Variants in TAF4 observed in about 807,000 individuals in gnomAD.
TAF4 encodes the protein transcription initiation factor TFIID subunit 4.
A neutral mutation model predicts 90.3 loss-of-function variants in TAF4; 9 were observed. The ratio of observed to expected loss-of-function variants is 0.10; its 90% CI spans 0.06 to 0.17. The LOEUF (loss-of-function observed/expected upper bound fraction) is 0.17. Among genes scored for constraint, TAF4 ranks in the 10% least tolerant of loss-of-function variants. The pLI, the probability that TAF4 is intolerant of heterozygous loss-of-function variation, is 1.00. For synonymous variants in TAF4, 818 were observed against 638.9 expected (o/e 1.28, Z -4.23); for missense variants, 1,351 against 1,370.7 (o/e 0.99, Z 0.23).
intron 1 of TAF4, among the ~76,000 whole-genome samples, chr20:62,024,378 AAAC>A (rs1399625063): frequency 6.6e-6 from 1 of 152,272 alleles, no homozygotes; most frequent in Non-Finnish European, 1.5e-5. Context: ...GAAATTTTAG[AAAC>A]AACATCAGAA....
intron 1 of TAF4, among the ~76,000 whole-genome samples, chr20:62,029,551 C>T (rs941308064): frequency 6.6e-6 from 1 of 152,110 alleles, no homozygotes; most frequent in African/African-American, 2.4e-5. Context: ...TTGGGGCTGC[C>T]GTGGTGGGGC....
chr20:62,008,479 G>A (rs1400817472), intron 5 of TAF4, among the ~76,000 whole-genome samples: 1 of 148,038 alleles, frequency 6.8e-6, no homozygotes, highest in African/African-American at 2.5e-5. Flanking sequence ...GAGGCTGCCA[G>A]GAATCCTCCC....
chr20:62,029,833 G>A (rs1443312560), intron 1 of TAF4, among the ~76,000 whole-genome samples: 1 of 152,148 alleles, frequency 6.6e-6, no homozygotes, highest in Admixed American at 6.5e-5. Flanking sequence ...TTGAACCCGG[G>A]AGTCGGAGCT....
rs28382120 is a variant in TAF4 at position 61,997,934 on chromosome 20, C to T, written c.2970+202G>A. 6.1e-3 allele frequency among the ~76,000 whole-genome samples: 928 copies of T among 152,232 alleles called. 12 individuals carry two copies. Among genetic ancestry groups the T allele is most frequent in the African/African-American group, 0.022 (893 of 41,522 alleles). On this transcript the variant is annotated intron_variant, in intron 13 of 14. Transcript: ENST00000252996. ...AATGCCCCCCGCAAAGGGAAGTCAC[C>T]GTTGAATTTAAAAGTAGGACACCAA...
chr20:62,060,478 C>T (rs1243178862), intron 1 of TAF4, among the ~76,000 whole-genome samples: 1 of 152,162 alleles, frequency 6.6e-6, no homozygotes, highest in Non-Finnish European at 1.5e-5. Flanking sequence ...AGGTGAGGTC[C>T]ATCCCAACCT....
chr20:61,996,674 C>G (rs2055664643), intron 14 of TAF4, among the ~76,000 whole-genome samples: 10 of 151,824 alleles, frequency 6.6e-5, no homozygotes, highest in Admixed American at 5.9e-4. Context: ...TGGCACACGT[C>G]TATAGTCCCA....
At chr20:62,030,582 A>G (rs1020857168) in intron 1 of TAF4, among the ~76,000 whole-genome samples, 11 of 152,118 alleles carry the variant, frequency 7.2e-5, no homozygotes, top group African/African-American at 2.7e-4. Context: ...CAGAGGACGC[A>G]CTCGCAGGAT....
intron 1 of TAF4, among the ~76,000 whole-genome samples, chr20:62,025,172 G>A (rs943261123): frequency 2.7e-5 from 4 of 148,368 alleles, no homozygotes; most frequent in Non-Finnish European, 4.5e-5. Context: ...TCCACCTGAG[G>A]TGTTTTAAGC....
In TAF4 at chr20:62,064,605, T is replaced by C; in HGVS notation, c.1206A>G (p.Lys402=). 6.9e-7 allele frequency: 1 copy of C among 1,446,242 alleles called. No individual in the cohort carries two copies. The highest frequency in any genetic ancestry group is 9.1e-7 in the Non-Finnish European group (1 of 1,101,980). 89.6% of individuals were successfully genotyped at this position (1,446,242 alleles called of 1,614,324 possible). ...TCTGGGTCACTGCGCCGGCCGCGCCTTTGGGCAGCCCGGTGGGGGTCCCGG... is the reference window on the plus strand; with the variant it reads ...TCTGGGTCACTGCGCCGGCCGCGCCCTTGGGCAGCCCGGTGGGGGTCCCGG... The part of the protein sequence containing the change: ...PAPGTPTGLP[K]GAAGAVTQSL... Residue 402 remains lysine, a synonymous_variant, in exon 1 of 15, where the codon AAA becomes AAG. Transcript: ENST00000252996.
At chr20:62,005,051 T>C (rs2055735345) in intron 7 of TAF4, 1 of 152,322 alleles carries the variant, frequency 6.6e-6, no homozygotes, top group Non-Finnish European at 1.5e-5. Context: ...CTGCAGAACA[T>C]GTGTGGGGAC....
intron 1 of TAF4, among the ~76,000 whole-genome samples, chr20:62,026,257 G>A (rs181619360): frequency 4.6e-5 from 7 of 152,132 alleles, no homozygotes; most frequent in Admixed American, 2.6e-4. Context: ...ACCAGGCCAC[G>A]TTCAATGAGT....
At chr20:62,041,358 G>A (rs561511073) in intron 1 of TAF4, among the ~76,000 whole-genome samples, 10 of 152,160 alleles carry the variant, frequency 6.6e-5, no homozygotes, top group Admixed American at 2.0e-4. Context: ...CAGCCTCCAC[G>A]TACAGCCACG....
At chr20:62,056,093 T>G (rs2056062133) in intron 1 of TAF4, among the ~76,000 whole-genome samples, 1 of 152,078 alleles carries the variant, frequency 6.6e-6, no homozygotes, top group Non-Finnish European at 1.5e-5. Flanking sequence ...AACAATTAGC[T>G]GGGTGTGGTG....
At chr20:62,052,253 G>C (rs1046957157) in intron 1 of TAF4, among the ~76,000 whole-genome samples, 5 of 134,500 alleles carry the variant, frequency 3.7e-5, no homozygotes, top group African/African-American at 1.4e-4. Flanking sequence ...TCCTCATCCA[G>C]CCTAACTCCC....
At chr20:62,041,379 T>C (rs1203670394) in intron 1 of TAF4, among the ~76,000 whole-genome samples, 1 of 152,150 alleles carries the variant, frequency 6.6e-6, no homozygotes, top group African/African-American at 2.4e-5. Flanking sequence ...CCTCACATCA[T>C]GATGCTCCTG....
At chr20:62,031,821 C>T (rs1036123671) in intron 1 of TAF4, among the ~76,000 whole-genome samples, 4 of 152,146 alleles carry the variant, frequency 2.6e-5, no homozygotes, top group African/African-American at 4.8e-5. Context: ...GGGTGCAGGG[C>T]ATGCAGCCCC....
chr20:62,003,351 C>A (rs2055720006), intron 8 of TAF4, 77 bp from the exon 9 acceptor site: 2 of 1,197,848 alleles, frequency 1.7e-6, no homozygotes, highest in African/African-American at 1.5e-5. Flanking sequence ...TTTACAGGCT[C>A]AAGGGCACAG....
intron 14 of TAF4, among the ~76,000 whole-genome samples, chr20:61,981,812 C>T (rs534835764): frequency 1.1e-4 from 16 of 146,032 alleles, no homozygotes; most frequent in Admixed American, 6.1e-4. Flanking sequence ...ACCAAACCCA[C>T]ACAACCCACA....
chr20:61,977,937 G>C (rs556505986), intron 14 of TAF4, among the ~76,000 whole-genome samples: 22 of 152,222 alleles, frequency 1.4e-4, no homozygotes, highest in Non-Finnish European at 2.8e-4. Flanking sequence ...AGAGGACCGG[G>C]GTGAAGGAGA....
Sources: allele counts gnomAD v4.1 joint callset (sites outside exome capture counted in the v4.1 genomes callset), GRCh38; gene constraint gnomAD v4.1.1; transcripts MANE v1.5; gene names NCBI Gene and HGNC (gene_info 2026-07-23, HGNC 2026-07-21).